GNA15: variants seen among roughly 807,000 people sequenced by gnomAD.
GNA15 encodes the protein G protein subunit alpha 15.
In GNA15, 23 loss-of-function variants were observed where a neutral mutation model predicts 40.1. That is an observed-to-expected ratio of 0.57 (90% CI 0.41 to 0.81). GNA15 has a LOEUF of 0.81. Ranked by LOEUF, GNA15 falls within the 40% of genes least tolerant of loss-of-function variation. The pLI is 0.00. For missense variants in GNA15, 522 were observed against 515.8 expected (o/e 1.01, Z -0.12); for synonymous variants, 226 against 210.4 (o/e 1.07, Z -0.64).
intron 4 of GNA15, among the ~76,000 whole-genome samples, chr19:3,154,574 T>TGATGGATG (rs1914965945): frequency 6.9e-6 from 1 of 144,852 alleles, no homozygotes; most frequent in Middle Eastern, 3.7e-3. Context: ...GGTGGATGGA[T>TGATGGATG]GATGGATGGA....
intron 1 of GNA15, among the ~76,000 whole-genome samples, chr19:3,144,859 G>GGCTC (rs745398314): frequency 1.5e-4 from 18 of 119,752 alleles, no homozygotes; most frequent in Non-Finnish European, 3.0e-4. Context: ...GACAGAGTCT[G>GGCTC]GCTCTGTCAC....
At chr19:3,152,378 A>C (rs754261756) in intron 4 of GNA15, among the ~76,000 whole-genome samples, 3 of 152,114 alleles carry the variant, frequency 2.0e-5, no homozygotes, top group Non-Finnish European at 4.4e-5. Flanking sequence ...GAGTGTGGGA[A>C]TTAGAACAGG....
intron 2 of GNA15, chr19:3,149,276 T>TGC (rs1465560931): frequency 2.5e-5 from 4 of 161,804 alleles, no homozygotes; most frequent in Non-Finnish European, 4.1e-5. Flanking sequence ...AATTCCCACA[T>TGC]GCACACACAC....
intron 1 of GNA15, chr19:3,143,153 C>T (rs902763059): frequency 2.6e-5 from 4 of 152,170 alleles, no homozygotes; most frequent in Non-Finnish European, 5.9e-5. Context: ...CTGTGTGACC[C>T]AAATTAAGTC....
At chr19:3,148,889 A>G (rs1914803245) in intron 2 of GNA15, 114 bp downstream of exon 2, 1 of 1,102,862 alleles carries the variant, frequency 9.1e-7, no homozygotes, top group Non-Finnish European at 1.3e-6. Flanking sequence ...AGGGCAGGGC[A>G]GGGCAGGCAG....
At chr19:3,143,349 G>T (rs1187578445) in intron 1 of GNA15, among the ~76,000 whole-genome samples, 1 of 152,150 alleles carries the variant, frequency 6.6e-6, no homozygotes, top group Non-Finnish European at 1.5e-5. Flanking sequence ...GGAACCTCCA[G>T]GTATAATAAT....
Position 3,136,223 on chromosome 19 carries a change from T to G in GNA15, c.-228T>G, listed in dbSNP as rs1476287667. On this transcript the variant is annotated 5_prime_UTR_variant, in exon 1 of 7. Coordinates refer to ENST00000262958, the MANE Select transcript of GNA15 (RefSeq NM_002068.4). This position sits in a 1 kb window ranked among gnomAD's most constrained non-coding sequence, Gnocchi z 4.9. Reference sequence around the variant, plus strand: ...GCCCTGGCCTCCCCACCTCCTCCCGTCCCCACCCTGTTCCCAGCACTCAAG... The same window carrying G: ...GCCCTGGCCTCCCCACCTCCTCCCGGCCCCACCCTGTTCCCAGCACTCAAG... The G allele has an allele frequency of 1.8e-5, 9 of 496,248 alleles. No individual in the cohort carries two copies. Among genetic ancestry groups the G allele is most frequent in the African/African-American group, 4.1e-5 (2 of 48,696 alleles). 30.7% of individuals were successfully genotyped at this position (496,248 alleles called of 1,614,324 possible).
rs996853874 is a variant in GNA15, at chr19:3,163,143, C to T, written c.*124C>T. ...GCCCACACGCAAGGGAGTCGGGGGA[C>T]GGACGGCCCGCTGCTGGCCGCTCTC... On this transcript the variant is annotated 3_prime_UTR_variant, in exon 7 of 7. Coordinates refer to ENST00000262958, the MANE Select transcript of GNA15 (RefSeq NM_002068.4). The T allele has an allele frequency of 7.3e-5, 48 of 659,204 alleles. No individual in the cohort carries two copies. The highest frequency in any genetic ancestry group is 1.9e-4 in the Admixed American group (8 of 42,280). 40.8% of individuals were successfully genotyped at this position (659,204 alleles called of 1,614,324 possible). A position where few individuals can be genotyped will look rare whatever the true frequency, so the allele number is the denominator to read the frequency against.
intron 6 of GNA15, among the ~76,000 whole-genome samples, chr19:3,158,531 G>A (rs779093474): frequency 7.2e-5 from 11 of 152,140 alleles, no homozygotes; most frequent in Non-Finnish European, 1.6e-4. Context: ...CTATGTAGAG[G>A]TCACTGTTGT....
At chr19:3,158,937 C>T (rs140867314) in intron 6 of GNA15, among the ~76,000 whole-genome samples, 429 of 150,538 alleles carry the variant, frequency 2.8e-3, no homozygotes, top group Middle Eastern at 7.2e-3. Context: ...CTGGCCATAA[C>T]GTTTCTTTTT....
At chr19:3,147,881 C>A (rs1280778732) in intron 1 of GNA15, among the ~76,000 whole-genome samples, 3 of 106,140 alleles carry the variant, frequency 2.8e-5, no homozygotes, top group Admixed American at 1.7e-4. Flanking sequence ...GAGCAAGACT[C>A]CATCTCAAAA....
At chr19:3,149,090 C>T in intron 2 of GNA15, 1 of 350,992 alleles carries the variant, frequency 2.8e-6, no homozygotes, top group East Asian at 5.5e-5. Context: ...CACACCCACA[C>T]ACATACACAA....
intron 1 of GNA15, 24 bp from the exon 2 acceptor site, chr19:3,148,567 G>A: frequency 6.5e-7 from 1 of 1,540,818 alleles, no homozygotes; most frequent in Non-Finnish European, 8.8e-7. Context: ...GGAGGGCTGA[G>A]CGGTTCTGCT....
chr19:3,152,778 T>C (rs1052637600), intron 4 of GNA15, among the ~76,000 whole-genome samples: 6 of 152,144 alleles, frequency 3.9e-5, no homozygotes, highest in African/African-American at 1.4e-4. Flanking sequence ...CTACCCCTAT[T>C]TGGCCTTCCT....
Position 3,163,110 on chromosome 19 carries a change from C to A in GNA15, c.*91C>A. 1.3e-6 allele frequency: 1 copy of A among 798,942 alleles called. No homozygotes were observed. The highest frequency in any genetic ancestry group is 1.5e-5 in the South Asian group (1 of 66,726). 49.5% of individuals were successfully genotyped at this position (798,942 alleles called of 1,614,324 possible). On this transcript the variant is annotated 3_prime_UTR_variant, in exon 7 of 7. Coordinates refer to ENST00000262958, the MANE Select transcript of GNA15 (RefSeq NM_002068.4). ...CCCTAGTGTCCCTGGTCTATCTCTC[C>A]AGCCTCGGCCCACACGCAAGGGAGT... is the stretch of plus-strand genomic sequence containing the variant.
At chr19:3,147,800 A>G (rs62127296) in intron 1 of GNA15, among the ~76,000 whole-genome samples, 82,482 of 147,382 alleles carry the variant, frequency 0.56, 23,292 homozygotes, top group East Asian at 0.72. Context: ...AGGCAGGAGA[A>G]TGGTGTGAAC....
intron 2 of GNA15, 186 bp downstream of exon 2, chr19:3,148,961 G>A: frequency 1.7e-6 from 1 of 599,170 alleles, no homozygotes; most frequent in Non-Finnish European, 2.9e-6. Flanking sequence ...ATACATACAA[G>A]TGCACACACA....
In GNA15 at chr19:3,151,642, G is replaced by T; in HGVS notation, c.486-65G>T. On this transcript the variant is annotated intron_variant, in intron 3 of 6. Coordinates refer to ENST00000262958, the MANE Select transcript of GNA15 (RefSeq NM_002068.4). This position sits in a 1 kb window ranked among gnomAD's most constrained non-coding sequence, Gnocchi z 5.0. The stretch of plus-strand genomic sequence containing the variant: ...CAGCAGGGTCCTTGCTGGGCCTTTC[G>T]TAGGGCCTGGGAAGCAAAGGGAGGC... The T allele has an allele frequency of 6.8e-7, 1 of 1,477,670 alleles. No homozygotes were observed. The allele number at this position is 1,477,670 out of a possible 1,614,324, so 91.5% of individuals were successfully genotyped here.
chr19:3,143,253 G>A (rs1373435569), intron 1 of GNA15: 1 of 152,162 alleles, frequency 6.6e-6, no homozygotes, highest in Non-Finnish European at 1.5e-5. Flanking sequence ...AGAGTCTCTG[G>A]GCTCGGGGTT....
Sources: allele counts gnomAD v4.1 joint callset (sites outside exome capture counted in the v4.1 genomes callset), GRCh38; gene constraint gnomAD v4.1.1; non-coding constraint Gnocchi (gnomAD v3.1); transcripts MANE v1.5; gene names NCBI Gene and HGNC (gene_info 2026-07-23, HGNC 2026-07-21).